Variants in ATP6V1E1 observed in about 807,000 individuals in gnomAD.
The protein encoded by ATP6V1E1 is ATPase H+ transporting V1 subunit E1, also known as V-type proton ATPase subunit E 1.
In ATP6V1E1, 21 loss-of-function variants were observed where a neutral mutation model predicts 35.2. The observed-to-expected ratio is 0.60, with a 90% CI of 0.42 to 0.86. The LOEUF is 0.86. Ranked by LOEUF, ATP6V1E1 falls within the 40% of genes least tolerant of loss-of-function variation. The pLI is 0.00. For missense variants in ATP6V1E1, 183 were observed against 272.6 expected (o/e 0.67, Z 2.32); for synonymous variants, 83 against 87.8 (o/e 0.95, Z 0.30).
chr22:17,594,979 G>C (rs1266242080), intron 7 of ATP6V1E1: 1 of 156,548 alleles, frequency 6.4e-6, no homozygotes, highest in East Asian at 1.9e-4. Flanking sequence ...ATTCACAGGT[G>C]TGGACCCCAA....
At chr22:17,593,497 ACTT>A (rs996254258) in intron 8 of ATP6V1E1, among the ~76,000 whole-genome samples, 4 of 152,178 alleles carry the variant, frequency 2.6e-5, no homozygotes, top group South Asian at 2.1e-4. Context: ...TTAACCCTGG[ACTT>A]CCAAGGCTCG....
chr22:17,625,658 G>GA (rs34704869), intron 1 of ATP6V1E1, among the ~76,000 whole-genome samples: 1 of 151,144 alleles, frequency 6.6e-6, no homozygotes, highest in Non-Finnish European at 1.5e-5. Context: ...CAGTACTTCA[G>GA]AAAAAAAAGG....
intron 7 of ATP6V1E1, chr22:17,597,898 C>T (rs754634372): frequency 1.0e-4 from 35 of 347,920 alleles, no homozygotes; most frequent in South Asian, 7.2e-4. Flanking sequence ...AGGATGGTCT[C>T]GATCTCTTGA....
intron 4 of ATP6V1E1, among the ~76,000 whole-genome samples, chr22:17,608,797 C>G (rs1601383417): frequency 1.3e-5 from 2 of 152,138 alleles, no homozygotes; most frequent in East Asian, 3.9e-4. Context: ...AATTAAAACA[C>G]ATTCATTGGC....
chr22:17,597,280 A>G (rs1236131868), intron 7 of ATP6V1E1, among the ~76,000 whole-genome samples: 1 of 151,460 alleles, frequency 6.6e-6, no homozygotes, highest in Non-Finnish European at 1.5e-5. Context: ...ACTTTCTTCA[A>G]TGTTAGTCAG....
At chr22:17,626,912 C>A (rs1337601563) in intron 1 of ATP6V1E1, among the ~76,000 whole-genome samples, 1 of 151,030 alleles carries the variant, frequency 6.6e-6, no homozygotes, top group Admixed American at 6.6e-5. Context: ...TGGGATCAAG[C>A]GATCCTCCCA....
intron 1 of ATP6V1E1, 111 bp from the exon 2 acceptor site, chr22:17,619,637 C>G: frequency 1.1e-6 from 1 of 913,200 alleles, no homozygotes; most frequent in Non-Finnish European, 1.6e-6. Context: ...CGTAATCCTA[C>G]CACTCTGGGG....
intron 1 of ATP6V1E1, among the ~76,000 whole-genome samples, chr22:17,626,239 T>C (rs1001807105): frequency 3.0e-5 from 4 of 131,622 alleles, no homozygotes; most frequent in African/African-American, 1.2e-4. Flanking sequence ...ACCCAGGAGG[T>C]GGAGCTTGCA....
At chr22:17,597,755 T>C (rs113018017) in intron 7 of ATP6V1E1, among the ~76,000 whole-genome samples, 22,921 of 151,932 alleles carry the variant, frequency 0.15, 3,925 homozygotes, top group African/African-American at 0.41. Context: ...CTCAGCCTCC[T>C]GGGTAGCTGG....
chr22:17,616,278 G>A (rs2057843996), intron 2 of ATP6V1E1, among the ~76,000 whole-genome samples: 1 of 152,188 alleles, frequency 6.6e-6, no homozygotes, highest in Admixed American at 6.5e-5. Flanking sequence ...AACCCAGGAG[G>A]TGGGGGTTGT....
chr22:17,626,307 CAAAAAAAAAAAA>C (rs928655426), intron 1 of ATP6V1E1, among the ~76,000 whole-genome samples: 1 of 61,984 alleles, frequency 1.6e-5, no homozygotes, highest in Non-Finnish European at 3.5e-5. Context: ...GACTTCGTCT[CAAAAAAAAAAAA>C]AAAAAAAAAG....
intron 1 of ATP6V1E1, among the ~76,000 whole-genome samples, chr22:17,620,482 G>A (rs955402828): frequency 2.0e-5 from 3 of 151,806 alleles, no homozygotes; most frequent in Admixed American, 1.3e-4. Flanking sequence ...TTCCCTTTGC[G>A]TCCGTGACTT....
Position 17,613,193 on chromosome 22 carries a change from C to A in ATP6V1E1, c.209+18G>T, listed in dbSNP as rs2057824055. The A allele has an allele frequency of 6.2e-7, 1 of 1,602,204 alleles. No individual in the cohort carries two copies. The highest frequency in any genetic ancestry group is 8.5e-7 in the Non-Finnish European group (1 of 1,172,466). The stretch of plus-strand genomic sequence containing the variant: ...CAGAAAACTTCTTAGCTTAATACTG[C>A]AACCAGGATCTACTTACATTTTCTT... On this transcript the variant is annotated intron_variant, in intron 3 of 8. Coordinates refer to ENST00000253413, the MANE Select transcript of ATP6V1E1 (RefSeq NM_001696.4).
intron 2 of ATP6V1E1, among the ~76,000 whole-genome samples, chr22:17,618,478 C>T (rs1354155337): frequency 6.6e-6 from 1 of 151,146 alleles, no homozygotes; most frequent in African/African-American, 2.4e-5. Flanking sequence ...GTCAGGAGAT[C>T]GAGACCATCC....
intron 1 of ATP6V1E1, among the ~76,000 whole-genome samples, chr22:17,620,986 C>T (rs1219360851): frequency 5.9e-5 from 9 of 151,946 alleles, no homozygotes; most frequent in East Asian, 5.8e-4. Flanking sequence ...GGCGTGAACC[C>T]GGGAGGCGAA....
At chr22:17,616,404 C>T (rs528226341) in intron 2 of ATP6V1E1, among the ~76,000 whole-genome samples, 6 of 151,984 alleles carry the variant, frequency 3.9e-5, no homozygotes, top group African/African-American at 1.4e-4. Flanking sequence ...TGAGGCCAGG[C>T]GTGGTGGCTC....
At chr22:17,613,940 C>G (rs1023659147) in intron 2 of ATP6V1E1, among the ~76,000 whole-genome samples, 2 of 149,510 alleles carry the variant, frequency 1.3e-5, no homozygotes, top group Non-Finnish European at 1.5e-5. Flanking sequence ...GCACTCTAGC[C>G]TGGGCGACAG....
In ATP6V1E1 at chr22:17,607,616, G is replaced by A. The variant is rs146328238; in HGVS notation, c.276+5196C>T. On this transcript the variant is annotated intron_variant, in intron 4 of 8. Transcript: ENST00000253413. ...TTCTGCTGCCACCATTCTACTTCTC[G>A]ACCTGGAAGGTAAGCCATACCCTCC... Among the ~76,000 whole-genome samples, 7 of 152,004 alleles carry A rather than the reference G, an allele frequency of 4.6e-5. No individual in the cohort carries two copies. The East Asian group carries it at 1.2e-3, about 25-fold the overall frequency.
intron 1 of ATP6V1E1, among the ~76,000 whole-genome samples, chr22:17,624,397 T>C (rs141074105): frequency 3.6e-4 from 55 of 151,726 alleles, no homozygotes; most frequent in African/African-American, 1.3e-3. Context: ...CTACTAAAAA[T>C]ACAAAAATTA....
Sources: gnomAD v4.1 joint callset for allele counts (sites outside exome capture counted in the v4.1 genomes callset) on GRCh38, gnomAD v4.1.1 for gene constraint, MANE v1.5 for transcripts, NCBI Gene and HGNC (gene_info 2026-07-23, HGNC 2026-07-21) for gene names.